Variants in EXOC4 observed in about 807,000 individuals in gnomAD.
The protein encoded by EXOC4 is exocyst complex component 4.
In EXOC4, 71 loss-of-function variants were observed where a neutral mutation model predicts 107.2. The observed-to-expected ratio is 0.66, with a 90% CI of 0.55 to 0.81. EXOC4 has a LOEUF of 0.81. EXOC4 is among the 30% of genes least tolerant of loss of function. EXOC4 has a pLI of 0.00. For synonymous variants in EXOC4, 456 were observed against 441.2 expected, an observed-to-expected ratio of 1.03 and a Z score of -0.42; for missense variants, 1,108 against 1,189.6, an observed-to-expected ratio of 0.93 and a Z score of 1.01.
chr7:133,486,802 G>A (rs567728132), intron 9 of EXOC4, among the ~76,000 whole-genome samples: 12 of 151,774 alleles, frequency 7.9e-5, no homozygotes, highest in African/African-American at 1.4e-4. Flanking sequence ...TTACTTATAT[G>A]TAAGATTTGT....
At chr7:133,263,837 A>G (rs547080939) in intron 1 of EXOC4, among the ~76,000 whole-genome samples, 1 of 152,246 alleles carries the variant, frequency 6.6e-6, no homozygotes, top group South Asian at 2.1e-4. Context: ...CAGAAGTGCT[A>G]TATATTCTTT....
intron 14 of EXOC4, among the ~76,000 whole-genome samples, chr7:133,949,039 A>G (rs1800624547): frequency 6.6e-6 from 1 of 152,190 alleles, no homozygotes; most frequent in Non-Finnish European, 1.5e-5. Context: ...GTATTTAATA[A>G]TACACTTTAA....
chr7:133,889,596 C>T (rs1180735691), intron 11 of EXOC4, among the ~76,000 whole-genome samples: 1 of 118,560 alleles, frequency 8.4e-6, no homozygotes, highest in Non-Finnish European at 1.7e-5. Context: ...CCACAGTCCC[C>T]AGAGTGTGAT....
chr7:133,426,751 C>G (rs1011160758), intron 7 of EXOC4, among the ~76,000 whole-genome samples: 2 of 152,236 alleles, frequency 1.3e-5, no homozygotes, highest in African/African-American at 4.8e-5. Context: ...TCATCACCAA[C>G]ATCATTAAAT....
chr7:133,930,673 C>T (rs928310414), intron 13 of EXOC4: 2 of 152,096 alleles, frequency 1.3e-5, no homozygotes, highest in African/African-American at 4.8e-5. Flanking sequence ...GTATCCCCTC[C>T]TCCTCTGCAC....
At chr7:134,090,294 G>A in the EXOC4 span, among the ~76,000 whole-genome samples, 306 of 152,284 alleles carry the variant, frequency 2.0e-3, 2 homozygotes, top group African/African-American at 7.1e-3. Flanking sequence ...ACAAGGTCAA[G>A]CTCCCAAGGA....
chr7:134,053,592 A>C (rs1795850941), intron 17 of EXOC4, among the ~76,000 whole-genome samples: 1 of 149,930 alleles, frequency 6.7e-6, no homozygotes, highest in Admixed American at 6.7e-5. Flanking sequence ...ATAATTTTAA[A>C]TATATTTTGG....
intron 1 of EXOC4, among the ~76,000 whole-genome samples, chr7:133,272,427 G>A (rs1281335928): frequency 1.3e-5 from 2 of 152,076 alleles, no homozygotes; most frequent in Non-Finnish European, 2.9e-5. Context: ...AAAAAGAGGG[G>A]AGGGAATAAT....
At chr7:133,369,954 A>G (rs1584859580) in intron 6 of EXOC4, among the ~76,000 whole-genome samples, 1 of 151,738 alleles carries the variant, frequency 6.6e-6, no homozygotes, top group Non-Finnish European at 1.5e-5. Flanking sequence ...ACAGGCATGC[A>G]CCATGACGCC....
At chr7:133,556,579 T>A (rs1800694715) in intron 9 of EXOC4, among the ~76,000 whole-genome samples, 1 of 152,108 alleles carries the variant, frequency 6.6e-6, no homozygotes, top group Non-Finnish European at 1.5e-5. Context: ...CAAAATGGGG[T>A]ACCGCGGTAA....
the EXOC4 span, among the ~76,000 whole-genome samples, chr7:134,087,149 AC>A: frequency 6.6e-6 from 1 of 151,916 alleles, no homozygotes; most frequent in Non-Finnish European, 1.5e-5. Context: ...ATTTTACTCC[AC>A]CCTTATTCAA....
intron 7 of EXOC4, among the ~76,000 whole-genome samples, chr7:133,464,714 C>G (rs1229587210): frequency 6.7e-6 from 1 of 149,160 alleles, no homozygotes; most frequent in African/African-American, 2.5e-5. Flanking sequence ...ACATACTAGT[C>G]TTAAAACAGA....
intron 10 of EXOC4, among the ~76,000 whole-genome samples, chr7:133,639,672 G>C (rs1391480712): frequency 6.6e-6 from 1 of 152,104 alleles, no homozygotes; most frequent in East Asian, 1.9e-4. Context: ...TTTTTGGTAA[G>C]AGTAGTGGTT....
chr7:133,313,477 G>T (rs1167033519), intron 4 of EXOC4, among the ~76,000 whole-genome samples: 1 of 152,118 alleles, frequency 6.6e-6, no homozygotes. Context: ...CTATATAAGT[G>T]AATATATCAG....
At chr7:133,272,813 C>T (rs771854987) in intron 1 of EXOC4, among the ~76,000 whole-genome samples, 1 of 152,066 alleles carries the variant, frequency 6.6e-6, no homozygotes, top group Non-Finnish European at 1.5e-5. Flanking sequence ...TTTTAGTAAC[C>T]CTTTCTATTC....
At chr7:133,767,866 C>T (rs1391064552) in intron 10 of EXOC4, among the ~76,000 whole-genome samples, 1 of 151,962 alleles carries the variant, frequency 6.6e-6, no homozygotes, top group African/African-American at 2.4e-5. Flanking sequence ...TAGTCCTTCC[C>T]GTGAAGGAGT....
At chr7:133,847,293 C>T (rs140818723) in intron 11 of EXOC4, among the ~76,000 whole-genome samples, 1 of 152,062 alleles carries the variant, frequency 6.6e-6, no homozygotes, top group Non-Finnish European at 1.5e-5. Context: ...GTAAACATAG[C>T]CTTTTTCCCT....
intron 7 of EXOC4, among the ~76,000 whole-genome samples, chr7:133,408,753 A>C (rs1797286027): frequency 6.6e-6 from 1 of 152,204 alleles, no homozygotes; most frequent in Non-Finnish European, 1.5e-5. Flanking sequence ...CATACTTCAC[A>C]GGAATGTTGC....
At chr7:133,976,631 A>ATAGGTGC (rs1793839120) in intron 14 of EXOC4, among the ~76,000 whole-genome samples, 1 of 152,336 alleles carries the variant, frequency 6.6e-6, no homozygotes, top group South Asian at 2.1e-4. Flanking sequence ...AAAAACTATC[A>ATAGGTGC]TAGGTGCCCA....
Sources: allele counts gnomAD v4.1 joint callset (sites outside exome capture counted in the v4.1 genomes callset), GRCh38; gene constraint gnomAD v4.1.1; transcripts MANE v1.5; gene names NCBI Gene and HGNC (gene_info 2026-07-23, HGNC 2026-07-21).